The following TPRG1 variants were observed in gnomAD, a reference collection of about 807,000 sequenced individuals.
TPRG1 encodes the protein tumor protein p63-regulated gene 1 protein.
A neutral mutation model predicts 29.3 loss-of-function variants in TPRG1; 29 were observed. The ratio of observed to expected loss-of-function variants is 0.99; its 90% confidence interval spans 0.74 to 1.35. TPRG1 has a LOEUF of 1.35. TPRG1 is among the 40% of genes most tolerant of loss of function. The pLI is 0.00. For missense variants in TPRG1, 327 were observed against 335.0 expected (o/e 0.98, Z 0.19); for synonymous variants, 130 against 116.8 (o/e 1.11, Z -0.73).
intron 4 of TPRG1, among the ~76,000 whole-genome samples, chr3:189,251,827 A>G (rs991211969): frequency 3.9e-5 from 6 of 152,082 alleles, no homozygotes; most frequent in Admixed American, 3.9e-4. Context: ...TCCATTGCCC[A>G]GGGACGGGCA....
intron 4 of TPRG1, among the ~76,000 whole-genome samples, chr3:189,032,456 A>C (rs531186138): frequency 6.6e-6 from 1 of 152,196 alleles, no homozygotes; most frequent in Non-Finnish European, 1.5e-5. Context: ...GAGCAATAGA[A>C]AAAATAAAAA....
chr3:189,119,341 G>T (rs1430256608), intron 1 of TPRG1, among the ~76,000 whole-genome samples: 2 of 152,168 alleles, frequency 1.3e-5, no homozygotes, highest in African/African-American at 2.4e-5. Flanking sequence ...GATTTTACAG[G>T]CTCATAGGTG....
intron 1 of TPRG1, among the ~76,000 whole-genome samples, chr3:189,120,096 C>T (rs1203017288): frequency 6.6e-6 from 1 of 152,166 alleles, no homozygotes; most frequent in Admixed American, 6.5e-5. Context: ...GAACAAACCC[C>T]AAACAAATAT....
At chr3:189,254,960 A>G (rs1711575431) in intron 4 of TPRG1, among the ~76,000 whole-genome samples, 1 of 152,146 alleles carries the variant, frequency 6.6e-6, no homozygotes, top group African/African-American at 2.4e-5. Flanking sequence ...CAGTCATGTC[A>G]TTTACAAACA....
At chr3:189,231,247 A>C (rs988403628) in intron 3 of TPRG1, among the ~76,000 whole-genome samples, 1 of 146,108 alleles carries the variant, frequency 6.8e-6, no homozygotes, top group Non-Finnish European at 1.5e-5. Context: ...TCTCTCTCTC[A>C]TACAAACACC....
intron 3 of TPRG1, among the ~76,000 whole-genome samples, chr3:189,216,282 T>C (rs1736056308): frequency 6.6e-6 from 1 of 152,148 alleles, no homozygotes; most frequent in Admixed American, 6.5e-5. Context: ...ATACCTTGAG[T>C]AAATAATCAT....
chr3:189,220,378 C>T (rs1449593870), intron 3 of TPRG1, among the ~76,000 whole-genome samples: 3 of 152,020 alleles, frequency 2.0e-5, no homozygotes, highest in Admixed American at 2.0e-4. Flanking sequence ...TTATAAAATG[C>T]ACCAAATGTT....
At chr3:189,290,471 T>C (rs1205070286) in intron 4 of TPRG1, among the ~76,000 whole-genome samples, 2 of 152,262 alleles carry the variant, frequency 1.3e-5, no homozygotes, top group South Asian at 2.1e-4. Context: ...ATATCTTTCG[T>C]TGAGCACATT....
chr3:189,006,908 A>G (rs527966582), intron 3 of TPRG1, among the ~76,000 whole-genome samples: 1 of 152,266 alleles, frequency 6.6e-6, no homozygotes, highest in South Asian at 2.1e-4. Flanking sequence ...AAAATTTAAA[A>G]TATTTACAAT....
chr3:189,027,383 A>G (rs1035945796), intron 4 of TPRG1, among the ~76,000 whole-genome samples: 3 of 152,248 alleles, frequency 2.0e-5, no homozygotes, highest in African/African-American at 7.2e-5. Context: ...AAAAGTTTAC[A>G]TCTGGACTAA....
chr3:189,046,778 G>A (rs1358252642), intron 4 of TPRG1, among the ~76,000 whole-genome samples: 1 of 152,068 alleles, frequency 6.6e-6, no homozygotes. Flanking sequence ...TTTTCCTATA[G>A]TGGAAGTTGC....
chr3:189,027,155 T>A (rs1713707501), intron 4 of TPRG1, among the ~76,000 whole-genome samples: 1 of 152,204 alleles, frequency 6.6e-6, no homozygotes, highest in South Asian at 2.1e-4. Context: ...CAACACTTTC[T>A]TCTTTCCTTG....
At chr3:189,071,073 A>G (rs1445822906) in intron 4 of TPRG1, among the ~76,000 whole-genome samples, 61 of 151,924 alleles carry the variant, frequency 4.0e-4, no homozygotes, top group African/African-American at 1.5e-3. Flanking sequence ...AAAAGAAAAA[A>G]AAAAAAAAAA....
At chr3:189,096,540 A>G (rs1447392482), upstream of TPRG1, among the ~76,000 whole-genome samples, 2 of 152,220 alleles carry the variant, frequency 1.3e-5, no homozygotes, top group African/African-American at 4.8e-5. Flanking sequence ...GTTCTTCTAC[A>G]GCAGTGGTGC....
At chr3:189,141,171 G>A (rs1724502266) in intron 3 of TPRG1, among the ~76,000 whole-genome samples, 2 of 152,266 alleles carry the variant, frequency 1.3e-5, no homozygotes, top group South Asian at 4.2e-4. Context: ...TTTTTTCAAG[G>A]AAGTAATTTC....
chr3:189,115,847 C>A (rs1034938654), intron 1 of TPRG1, among the ~76,000 whole-genome samples: 2 of 152,136 alleles, frequency 1.3e-5, no homozygotes, highest in East Asian at 3.8e-4. Context: ...ACTTCTTGGG[C>A]AGGTTACCTC....
chr3:189,261,741 G>A (rs981309102), intron 4 of TPRG1, among the ~76,000 whole-genome samples: 2 of 152,172 alleles, frequency 1.3e-5, no homozygotes, highest in African/African-American at 4.8e-5. Flanking sequence ...AATTGCTACT[G>A]GGAGATATGG....
intron 4 of TPRG1, among the ~76,000 whole-genome samples, chr3:189,042,919 C>T (rs1474144671): frequency 6.6e-6 from 1 of 152,118 alleles, no homozygotes; most frequent in Non-Finnish European, 1.5e-5. Context: ...GGTCTCAACC[C>T]AAAGACCTCC....
intron 4 of TPRG1, among the ~76,000 whole-genome samples, chr3:189,026,971 C>T (rs1713698523): frequency 6.6e-6 from 1 of 152,120 alleles, no homozygotes; most frequent in Non-Finnish European, 1.5e-5. Context: ...AGAAAAATGT[C>T]TTTATTTTTC....
Sources: allele counts gnomAD v4.1 joint callset (sites outside exome capture counted in the v4.1 genomes callset), GRCh38; gene constraint gnomAD v4.1.1; transcripts MANE v1.5; gene names NCBI Gene and HGNC (gene_info 2026-07-23, HGNC 2026-07-21).